Variants in DCP1B observed in about 807,000 individuals in gnomAD.
DCP1B encodes the protein decapping mRNA 1B, also known as mRNA-decapping enzyme 1B.
DCP1B carries 47 observed loss-of-function variants against 60.5 expected under a neutral mutation model. The observed-to-expected ratio is 0.78, with a 90% CI of 0.61 to 0.99. The LOEUF (loss-of-function observed/expected upper bound fraction) is 0.99, where lower values mean the gene tolerates loss of function less well. Among genes scored for constraint, DCP1B ranks in the 50% least tolerant of loss-of-function variants. The probability of loss-of-function intolerance (pLI) is 0.00; values close to 1 mark genes in which losing one functional copy is unlikely to be tolerated. For synonymous variants in DCP1B, 267 were observed against 280.3 expected (o/e 0.95, Z 0.47); for missense variants, 725 against 756.8 (o/e 0.96, Z 0.49).
chr12:1,991,499 A>G (rs2039403278), intron 3 of DCP1B: 3 of 240,138 alleles, frequency 1.2e-5, no homozygotes, highest in Non-Finnish European at 2.5e-5. Context: ...TATCCAAAAT[A>G]TTGTCATTTC....
chr12:1,949,771 C>T (rs370558228), intron 7 of DCP1B, among the ~76,000 whole-genome samples: 33 of 152,328 alleles, frequency 2.2e-4, no homozygotes, highest in African/African-American at 6.3e-4. Flanking sequence ...AGCAACTCCC[C>T]GCCCCTCCTG....
At chr12:1,955,965 T>C (rs2030871248) in intron 5 of DCP1B, among the ~76,000 whole-genome samples, 1 of 152,186 alleles carries the variant, frequency 6.6e-6, no homozygotes. Context: ...TGACTTAAAA[T>C]TGGAGAGTAG....
At chr12:1,955,403 C>G in intron 6 of DCP1B, 29 bp downstream of exon 6, 2 of 1,598,504 alleles carry the variant, frequency 1.3e-6, no homozygotes, top group Non-Finnish European at 1.7e-6. Flanking sequence ...TAGAGACACA[C>G]TGAATATGAC....
rs2031158250 is a variant in DCP1B at position 1,962,396 on chromosome 12, T to C, written c.522+3162A>G. On this transcript the variant is annotated intron_variant, in intron 5 of 8. Transcript: ENST00000280665. The surrounding 1 kb of genome is among the most constrained non-coding windows in gnomAD (Gnocchi z 4.4). ...TTTAAGATGTCAAAACATTATAACA[T>C]ATAGAAGATAAAAAACAGAAACAAT... is the stretch of plus-strand genomic sequence containing the variant. 6.6e-6 allele frequency among the ~76,000 whole-genome samples: 1 copy of C among 152,030 alleles called. No individual in the cohort carries two copies. The highest frequency in any genetic ancestry group is 2.4e-5 in the African/African-American group (1 of 41,362).
intron 6 of DCP1B, 87 bp downstream of exon 6, chr12:1,955,345 C>G: frequency 7.0e-7 from 1 of 1,434,012 alleles, no homozygotes; most frequent in South Asian, 1.6e-5. Context: ...TTCAACAACA[C>G]CAGGCCCTCC....
chr12:1,966,411 T>C (rs1436409725), intron 4 of DCP1B, among the ~76,000 whole-genome samples: 1 of 152,234 alleles, frequency 6.6e-6, no homozygotes, highest in African/African-American at 2.4e-5. Context: ...TGCTAGGTGA[T>C]GTCGAGGAAA....
At chr12:1,945,134 C>T (rs2030377449), downstream of DCP1B, among the ~76,000 whole-genome samples, 1 of 152,160 alleles carries the variant, frequency 6.6e-6, no homozygotes, top group Non-Finnish European at 1.5e-5. Flanking sequence ...TGAACAGACA[C>T]TTCTCAAAAG....
chr12:1,952,237 G>C (rs1347359259), intron 7 of DCP1B, among the ~76,000 whole-genome samples, 179 bp downstream of exon 7: 1 of 151,928 alleles, frequency 6.6e-6, no homozygotes, highest in African/African-American at 2.4e-5. Context: ...GCAGTGGCAC[G>C]ATCATGGTTC....
chr12:1,990,802 C>A (rs1172130935), intron 3 of DCP1B, among the ~76,000 whole-genome samples: 1 of 152,134 alleles, frequency 6.6e-6, no homozygotes, highest in Non-Finnish European at 1.5e-5. Context: ...GTAAACCATA[C>A]ATAATTATTA....
intron 1 of DCP1B, among the ~76,000 whole-genome samples, chr12:2,002,849 T>G (rs557437882): frequency 6.6e-6 from 1 of 152,304 alleles, no homozygotes; most frequent in South Asian, 2.1e-4. Flanking sequence ...TGGAGGAAAC[T>G]GTCTATGTTG....
At chr12:1,998,124 A>G (rs2041369724) in intron 1 of DCP1B, 149 bp from the exon 2 acceptor site, 1 of 606,030 alleles carries the variant, frequency 1.7e-6, no homozygotes. Flanking sequence ...AAAAGGAGAA[A>G]GCAAGTTCTA....
chr12:1,966,043 C>T (rs1381799173), intron 4 of DCP1B: 1 of 190,774 alleles, frequency 5.2e-6, no homozygotes, highest in Non-Finnish European at 1.1e-5. Context: ...ATAGTCGGAA[C>T]ACAAATCCTA....
intron 7 of DCP1B, among the ~76,000 whole-genome samples, chr12:1,951,106 T>C (rs2030651163): frequency 1.3e-5 from 2 of 152,032 alleles, no homozygotes; most frequent in South Asian, 4.2e-4. Flanking sequence ...ACCTCGTCTC[T>C]ACTAAAAAAA....
intron 3 of DCP1B, among the ~76,000 whole-genome samples, chr12:1,984,778 T>TTAA (rs1230989393): frequency 3.7e-4 from 30 of 81,342 alleles, no homozygotes; most frequent in Admixed American, 5.9e-4. Flanking sequence ...GGTCTTCTGG[T>TTAA]AAAAAAAAAA....
intron 1 of DCP1B, among the ~76,000 whole-genome samples, chr12:2,002,806 G>T (rs1326726639): frequency 6.6e-6 from 1 of 152,136 alleles, no homozygotes; most frequent in Non-Finnish European, 1.5e-5. Flanking sequence ...ATAGCCATAT[G>T]TAGAATATCT....
intron 5 of DCP1B, among the ~76,000 whole-genome samples, chr12:1,957,754 A>G (rs929208940): frequency 1.3e-5 from 2 of 152,256 alleles, no homozygotes; most frequent in African/African-American, 4.8e-5. Flanking sequence ...TTTAAAGCAG[A>G]TTCACAGAAA....
chr12:2,004,332 C>A lies in DCP1B; in HGVS notation c.100G>T (p.Val34Leu). ...HDPYINRIVD[V>L]ASQVALYTFG... Reference sequence around the variant, plus strand: ...GTGTACAGAGCCACCTGGCTGGCCACGTCCACGATGCGGTTGATATAGGGG... The same window carrying A: ...GTGTACAGAGCCACCTGGCTGGCCAAGTCCACGATGCGGTTGATATAGGGG... Residue 34 changes from valine (V) to leucine (L), a missense_variant, in exon 1 of 9, where the codon GTG becomes TTG. Coordinates refer to ENST00000280665, the MANE Select transcript of DCP1B (RefSeq NM_152640.5). 1.9e-6 allele frequency: 3 copies of A among 1,613,426 alleles called. No homozygotes were observed. The highest frequency in any genetic ancestry group is 2.5e-6 in the Non-Finnish European group (3 of 1,179,946).
chr12:1,965,266 G>GT (rs775782761), intron 5 of DCP1B, among the ~76,000 whole-genome samples: 8 of 152,064 alleles, frequency 5.3e-5, no homozygotes, highest in Non-Finnish European at 1.0e-4. Flanking sequence ...GGGTCTTGCA[G>GT]TAAGTCTAAC....
downstream of DCP1B, among the ~76,000 whole-genome samples, chr12:1,944,011 T>G (rs2030345223): frequency 6.6e-6 from 1 of 152,202 alleles, no homozygotes; most frequent in Admixed American, 6.5e-5. Context: ...TGTTTGCAGA[T>G]GACATGACTG....
Sources: gnomAD v4.1 joint callset for allele counts (sites outside exome capture counted in the v4.1 genomes callset) on GRCh38, gnomAD v4.1.1 for gene constraint, Gnocchi (gnomAD v3.1) non-coding constraint, MANE v1.5 for transcripts, NCBI Gene and HGNC (gene_info 2026-07-23, HGNC 2026-07-21) for gene names.